Variants in KPNA6 observed in about 807,000 individuals in gnomAD.
KPNA6 encodes importin subunit alpha-7.
KPNA6 carries 9 observed loss-of-function variants against 72.0 expected under a neutral mutation model. The observed-to-expected ratio is 0.13, with a 90% CI of 0.08 to 0.22. The LOEUF is 0.22. KPNA6 is among the 10% of genes least tolerant of loss of function. The pLI is 1.00. For synonymous variants in KPNA6, 219 were observed against 242.1 expected (o/e 0.90, Z 0.89); for missense variants, 374 against 655.7 (o/e 0.57, Z 4.69).
intron 8 of KPNA6, 132 bp from the exon 9 acceptor site, chr1:32,162,229 A>G: frequency 1.0e-6 from 1 of 971,916 alleles, no homozygotes. Flanking sequence ...TGTTTAATGT[A>G]GTAGCGATCC....
chr1:32,130,122 G>A (rs1263019194), intron 1 of KPNA6, among the ~76,000 whole-genome samples: 1 of 151,690 alleles, frequency 6.6e-6, no homozygotes, highest in African/African-American at 2.4e-5. Flanking sequence ...TTTTGCCTGA[G>A]AATGCCTCCC....
chr1:32,160,681 TC>T lies in KPNA6; in HGVS notation c.627del (p.Ile210SerfsTer6), dbSNP rs1438424927. The T allele has an allele frequency of 6.2e-7, 1 of 1,613,770 alleles. No individual in the cohort carries two copies. The highest frequency in any genetic ancestry group is 1.7e-5 in the Admixed American group (1 of 59,992). Reference protein sequence around the residue: ...SVCRDYVLNCSILNPLLTLLT... With the variant: ...SVCRDYVLNCXILNPLLTLLT... Reference sequence around the variant, plus strand: ...TTGCCGAGATTACGTCTTGAACTGTTCCATCCTTAATCCTTTGTTAACGTGA... The same window carrying T: ...TTGCCGAGATTACGTCTTGAACTGTTCATCCTTAATCCTTTGTTAACGTGA... On this transcript the variant is annotated frameshift_variant, in exon 7 of 14. Coordinates refer to ENST00000373625, the MANE Select transcript of KPNA6 (RefSeq NM_012316.5). LOFTEE classifies it high-confidence loss of function.
intron 10 of KPNA6, among the ~76,000 whole-genome samples, chr1:32,164,393 C>T (rs1250548807): frequency 6.6e-6 from 1 of 152,112 alleles, no homozygotes; most frequent in Non-Finnish European, 1.5e-5. Flanking sequence ...GGTATATACC[C>T]AGAGTGGAAT....
intron 2 of KPNA6, among the ~76,000 whole-genome samples, chr1:32,154,929 G>A (rs986220310): frequency 6.6e-6 from 1 of 151,976 alleles, no homozygotes; most frequent in South Asian, 2.1e-4. Context: ...CCAACATGGT[G>A]AAACTTCATT....
At chr1:32,166,015 CAA>C in intron 10 of KPNA6, 88 bp from the exon 11 acceptor site, 1 of 1,086,692 alleles carries the variant, frequency 9.2e-7, no homozygotes, top group Admixed American at 3.3e-5. Flanking sequence ...AAAACAAAAA[CAA>C]CAACAACAAC....
At chr1:32,157,992 T>C (rs1249857505) in intron 4 of KPNA6, among the ~76,000 whole-genome samples, 1 of 152,232 alleles carries the variant, frequency 6.6e-6, no homozygotes, top group Admixed American at 6.5e-5. Flanking sequence ...TGTTCATCCC[T>C]TAGGTGGTTC....
intron 1 of KPNA6, among the ~76,000 whole-genome samples, chr1:32,120,437 G>A (rs996354602): frequency 4.0e-5 from 6 of 150,602 alleles, no homozygotes; most frequent in African/African-American, 7.3e-5. Context: ...TAGTAGAGGC[G>A]GGGTTTCACC....
At chr1:32,165,558 C>T (rs138141607) in intron 10 of KPNA6, among the ~76,000 whole-genome samples, 11 of 151,806 alleles carry the variant, frequency 7.2e-5, no homozygotes, top group African/African-American at 1.5e-4. Context: ...TAGCAGAGTG[C>T]GGTGGCACCC....
chr1:32,125,979 T>TAAAAA (rs75504815), intron 1 of KPNA6, among the ~76,000 whole-genome samples: 24 of 98,966 alleles, frequency 2.4e-4, no homozygotes, highest in African/African-American at 9.1e-4. Context: ...CTATATTTAC[T>TAAAAA]AAAAAAAAAA....
At chr1:32,117,475 TTTG>T (rs1393818561) in intron 1 of KPNA6, among the ~76,000 whole-genome samples, 3 of 147,108 alleles carry the variant, frequency 2.0e-5, no homozygotes, top group Non-Finnish European at 4.5e-5. Context: ...CCCGGCCCAA[TTTG>T]TTTTTTTTTT....
intron 1 of KPNA6, among the ~76,000 whole-genome samples, chr1:32,142,255 C>CAAAAAAA (rs763008502): frequency 1.8e-5 from 1 of 55,288 alleles, no homozygotes; most frequent in Non-Finnish European, 3.3e-5. Flanking sequence ...GACCCTGTCT[C>CAAAAAAA]AAAAAAAAAA....
chr1:32,160,723 T>C lies in KPNA6; in HGVS notation c.647+20T>C, dbSNP rs772040266. The C allele has an allele frequency of 2.5e-6, 4 of 1,594,674 alleles. No individual in the cohort carries two copies. In the Admixed American group the frequency reaches 6.7e-5, roughly 27 times the overall value. The stretch of plus-strand genomic sequence containing the variant: ...GTTAACGTGAGTAATTATAATCATC[T>C]GTACCTGGGCGTCTACTGGGTGGCC... On this transcript the variant is annotated intron_variant, in intron 7 of 13. Transcript: ENST00000373625.
chr1:32,142,294 G>T (rs935897608), intron 1 of KPNA6, among the ~76,000 whole-genome samples: 1 of 150,592 alleles, frequency 6.6e-6, no homozygotes, highest in Non-Finnish European at 1.5e-5. Flanking sequence ...TGTCAGAAGG[G>T]TTGTTTTATT....
At chr1:32,153,016 CAA>C (rs766574019) in intron 1 of KPNA6, among the ~76,000 whole-genome samples, 5 of 34,966 alleles carry the variant, frequency 1.4e-4, no homozygotes, top group South Asian at 1.1e-3. Flanking sequence ...GACTCCATCT[CAA>C]AAAAAAAAAA....
At chr1:32,139,512 G>C (rs1432366251) in intron 1 of KPNA6, among the ~76,000 whole-genome samples, 1 of 152,076 alleles carries the variant, frequency 6.6e-6, no homozygotes, top group Admixed American at 6.6e-5. Flanking sequence ...TTTTCAACCT[G>C]AATCTATTCT....
intron 2 of KPNA6, among the ~76,000 whole-genome samples, chr1:32,155,882 G>A (rs1051040284): frequency 2.0e-5 from 3 of 150,382 alleles, no homozygotes; most frequent in African/African-American, 4.9e-5. Flanking sequence ...TGGACTATAG[G>A]CATGTACCAC....
rs1245492265 is a variant in KPNA6 at position 32,131,100 on chromosome 1, C to T, written c.4+22966C>T. The stretch of plus-strand genomic sequence containing the variant: ...CCTGAGGTCAGCAATTCGAGACCAG[C>T]CTGGCCAACATGGTGAAACCCCGTC... On this transcript the variant is annotated intron_variant, in intron 1 of 13. Coordinates refer to ENST00000373625, the MANE Select transcript of KPNA6 (RefSeq NM_012316.5). 2.6e-5 allele frequency among the ~76,000 whole-genome samples: 4 copies of T among 152,022 alleles called. No individual in the cohort carries two copies. In the East Asian group the frequency reaches 7.7e-4, roughly 29 times the overall value.
intron 3 of KPNA6, 31 bp downstream of exon 3, chr1:32,156,976 C>G (rs757333815): frequency 3.3e-6 from 5 of 1,496,912 alleles, no homozygotes; most frequent in African/African-American, 2.8e-5. Flanking sequence ...TCAGGCTGAC[C>G]TGGAAAACAC....
chr1:32,148,457 G>A (rs1484089556), intron 1 of KPNA6, among the ~76,000 whole-genome samples: 1 of 151,180 alleles, frequency 6.6e-6, no homozygotes, highest in African/African-American at 2.4e-5. Context: ...GTAGATTCAT[G>A]TGTTTTATTT....
Sources: allele counts gnomAD v4.1 joint callset (sites outside exome capture counted in the v4.1 genomes callset), GRCh38; gene constraint gnomAD v4.1.1; transcripts MANE v1.5; gene names NCBI Gene and HGNC (gene_info 2026-07-23, HGNC 2026-07-21).